Variants in CCDC126 observed in about 807,000 individuals in gnomAD.
The protein encoded by CCDC126 is coiled-coil domain containing 126, also known as coiled-coil domain-containing protein 126.
A neutral mutation model predicts 11.7 loss-of-function variants in CCDC126; 5 were observed. The ratio of observed to expected loss-of-function variants is 0.43; its 90% CI spans 0.22 to 0.90. CCDC126 has a LOEUF of 0.90. Among genes scored for constraint, CCDC126 ranks in the 40% least tolerant of loss-of-function variants. The pLI is 0.27. For missense variants in CCDC126, 150 were observed against 163.1 expected, an observed-to-expected ratio of 0.92 and a Z score of 0.44; for synonymous variants, 60 against 61.9, an observed-to-expected ratio of 0.97 and a Z score of 0.14.
intron 3 of CCDC126, among the ~76,000 whole-genome samples, chr7:23,638,358 T>C (rs1417036870): frequency 9.2e-6 from 1 of 108,478 alleles, no homozygotes; most frequent in Admixed American, 9.1e-5. Flanking sequence ...ACTTTTCATT[T>C]TGTTCTGTAC....
At chr7:23,615,324 T>C (rs1048862257) in intron 3 of CCDC126, among the ~76,000 whole-genome samples, 1 of 152,256 alleles carries the variant, frequency 6.6e-6, no homozygotes, top group East Asian at 1.9e-4. Flanking sequence ...TTAGCCTTCA[T>C]AGAATTGAAG....
intron 3 of CCDC126, chr7:23,619,462 A>G: frequency 2.5e-6 from 1 of 407,784 alleles, no homozygotes; most frequent in South Asian, 2.1e-5. Context: ...CAGCGCATTA[A>G]AGGAAAGAGA....
intron 3 of CCDC126, among the ~76,000 whole-genome samples, chr7:23,625,071 T>C (rs1584208381): frequency 6.6e-6 from 1 of 152,308 alleles, no homozygotes; most frequent in East Asian, 1.9e-4. Context: ...CTCAAACTTC[T>C]GGAATCAAGC....
chr7:23,618,841 C>T (rs2128017500), intron 3 of CCDC126, among the ~76,000 whole-genome samples: 1 of 152,204 alleles, frequency 6.6e-6, no homozygotes, highest in South Asian at 2.1e-4. Context: ...AGGGGTGAGC[C>T]ACCGCGCTTG....
At chr7:23,616,211 G>C (rs760059268) in intron 3 of CCDC126, among the ~76,000 whole-genome samples, 19 of 152,160 alleles carry the variant, frequency 1.2e-4, no homozygotes, top group Non-Finnish European at 2.8e-4. Flanking sequence ...GACACATTAG[G>C]TATTTTAGCA....
chr7:23,625,460 T>A (rs943865821), intron 3 of CCDC126, among the ~76,000 whole-genome samples: 1 of 152,184 alleles, frequency 6.6e-6, no homozygotes, highest in Non-Finnish European at 1.5e-5. Context: ...ATGCAGACTT[T>A]GACCAATTCT....
intron 3 of CCDC126, among the ~76,000 whole-genome samples, chr7:23,620,342 G>A (rs1782870520): frequency 6.6e-6 from 1 of 152,240 alleles, no homozygotes; most frequent in South Asian, 2.1e-4. Context: ...GTGATGATGA[G>A]CATTTTTTCA....
rs1159135552 is a variant in CCDC126, at chr7:23,643,081, A to G, written c.389A>G (p.Asn130Ser). ...GGGAATTTGGTGCCAGTAACCACAA[A>G]TAAAAGAACGAATGTCTCGGGCAGT... ...TSGNLVPVTT[N>S]KRTNVSGSIR The change falls in exon 4 of 4, where the codon AAT becomes AGT. Residue 130 changes from asparagine to serine, a missense_variant. Transcript: ENST00000307471. 5 of 1,614,090 alleles carry G rather than the reference A, an allele frequency of 3.1e-6. No individual in the cohort carries two copies. Among genetic ancestry groups the G allele is most frequent in the Non-Finnish European group, 4.2e-6 (5 of 1,180,032 alleles).
At chr7:23,616,708 C>A (rs554952585) in intron 3 of CCDC126, among the ~76,000 whole-genome samples, 1 of 152,266 alleles carries the variant, frequency 6.6e-6, no homozygotes, top group African/African-American at 2.4e-5. Context: ...TTTTTGGAAT[C>A]TTGTAAGGTC....
At chr7:23,640,796 G>GTGT (rs142715560) in intron 3 of CCDC126, among the ~76,000 whole-genome samples, 2,754 of 152,186 alleles carry the variant, frequency 0.018, 98 homozygotes, top group African/African-American at 0.063. Flanking sequence ...AGGTTCATCT[G>GTGT]TGTTGTAGCA....
chr7:23,608,272 T>C (rs1256846416), intron 2 of CCDC126, among the ~76,000 whole-genome samples: 1 of 152,122 alleles, frequency 6.6e-6, no homozygotes, highest in Non-Finnish European at 1.5e-5. Flanking sequence ...GAAATGCTTG[T>C]AGGTTGTTTC....
intron 3 of CCDC126, among the ~76,000 whole-genome samples, chr7:23,622,159 C>T (rs1782916065): frequency 6.6e-6 from 1 of 152,166 alleles, no homozygotes; most frequent in South Asian, 2.1e-4. Context: ...AGGAATGGTA[C>T]CAGCTCCTCC....
intron 3 of CCDC126, among the ~76,000 whole-genome samples, chr7:23,636,788 C>G (rs1783231182): frequency 1.4e-5 from 2 of 141,088 alleles, no homozygotes; most frequent in Admixed American, 1.4e-4. Context: ...GGTCAGCCCC[C>G]CGCCCGGCCA....
At chr7:23,622,719 T>C (rs1782936795) in intron 3 of CCDC126, 2 of 526,386 alleles carry the variant, frequency 3.8e-6, no homozygotes, top group Non-Finnish European at 7.6e-6. Flanking sequence ...TGTTACATTG[T>C]GGCCACAGTT....
chr7:23,643,237 A>G lies in CCDC126; in HGVS notation c.*122A>G. On this transcript the variant is annotated 3_prime_UTR_variant, in exon 4 of 4. Coordinates refer to ENST00000307471, the MANE Select transcript of CCDC126 (RefSeq NM_138771.4). ...ACAATAAAAGCTCTACACATTTTCA[A>G]GGAGTATGCTGGATTCATGGAACTC... 6 of 859,220 alleles carry G rather than the reference A, an allele frequency of 7.0e-6. No individual in the cohort carries two copies. The highest frequency in any genetic ancestry group is 8.8e-6 in the Non-Finnish European group (5 of 569,772). 53.2% of individuals were successfully genotyped at this position (859,220 alleles called of 1,614,324 possible).
chr7:23,599,799 T>C (rs555204153), intron 2 of CCDC126, among the ~76,000 whole-genome samples: 1 of 152,254 alleles, frequency 6.6e-6, no homozygotes, highest in African/African-American at 2.4e-5. Flanking sequence ...TTAGTTAGTT[T>C]AGTTTGAGAC....
At chr7:23,625,871 A>G (rs1352673454) in intron 3 of CCDC126, among the ~76,000 whole-genome samples, 7 of 151,328 alleles carry the variant, frequency 4.6e-5, no homozygotes, top group Non-Finnish European at 8.9e-5. Flanking sequence ...GTTAGCCAGG[A>G]TGGTCTCGAT....
chr7:23,641,624 G>A (rs919398978), intron 3 of CCDC126, among the ~76,000 whole-genome samples: 4 of 152,098 alleles, frequency 2.6e-5, no homozygotes, highest in Non-Finnish European at 5.9e-5. Flanking sequence ...ATTAGGGCTT[G>A]GGCTCATTTT....
intron 3 of CCDC126, among the ~76,000 whole-genome samples, chr7:23,613,090 T>G (rs1456555509): frequency 6.6e-6 from 1 of 152,154 alleles, no homozygotes. Flanking sequence ...GTAGGTGGAT[T>G]GCTTGAGTCC....
Sources: allele counts gnomAD v4.1 joint callset (sites outside exome capture counted in the v4.1 genomes callset), GRCh38; gene constraint gnomAD v4.1.1; transcripts MANE v1.5; gene names NCBI Gene and HGNC (gene_info 2026-07-23, HGNC 2026-07-21).